Variants in RORA observed in about 807,000 individuals in gnomAD.
RORA encodes nuclear receptor ROR-alpha.
Under a neutral mutation model 69.5 loss-of-function variants are expected in RORA, and 7 were observed. The ratio of observed to expected loss-of-function variants is 0.10; its 90% CI spans 0.06 to 0.19. The LOEUF is 0.19. Among genes scored for constraint, RORA ranks in the 10% least tolerant of loss-of-function variants. The probability of loss-of-function intolerance (pLI) is 1.00; values close to 1 mark genes in which losing one functional copy is unlikely to be tolerated. For synonymous variants in RORA, 261 were observed against 240.8 expected (o/e 1.08, Z -0.78); for missense variants, 457 against 663.0 (o/e 0.69, Z 3.41).
chr15:60,851,942 C>A (rs1295115150), intron 1 of RORA, among the ~76,000 whole-genome samples: 1 of 152,134 alleles, frequency 6.6e-6, no homozygotes, highest in African/African-American at 2.4e-5. Flanking sequence ...GGGCAGGATT[C>A]CCCGGCCATG....
chr15:61,171,629 T>C (rs2079585988), intron 1 of RORA, among the ~76,000 whole-genome samples: 1 of 152,162 alleles, frequency 6.6e-6, no homozygotes, highest in African/African-American at 2.4e-5. Context: ...TGACTAATAA[T>C]TCCCAGCAGA....
At chr15:61,016,799 G>A (rs925960916) in intron 1 of RORA, among the ~76,000 whole-genome samples, 1 of 152,148 alleles carries the variant, frequency 6.6e-6, no homozygotes, top group Non-Finnish European at 1.5e-5. Flanking sequence ...CACAGGGTAT[G>A]AGGCAAGCAG....
intron 1 of RORA, among the ~76,000 whole-genome samples, chr15:61,197,242 G>A (rs2079853202): frequency 6.6e-6 from 1 of 152,190 alleles, no homozygotes; most frequent in Non-Finnish European, 1.5e-5. Context: ...GCACTTAGGG[G>A]GCCTAATGTA....
At chr15:60,541,827 T>C (rs1035744334) in intron 2 of RORA, among the ~76,000 whole-genome samples, 23 of 152,234 alleles carry the variant, frequency 1.5e-4, no homozygotes, top group Admixed American at 5.2e-4. Flanking sequence ...ATGTAAGTCA[T>C]GCACTAGAGG....
Position 60,534,244 on chromosome 15 carries a change from A to G in RORA, c.197-2393T>C, listed in dbSNP as rs183449080. On this transcript the variant is annotated intron_variant, in intron 2 of 10. Transcript: ENST00000335670. This position sits in a 1 kb window ranked among gnomAD's most constrained non-coding sequence, Gnocchi z 5.0. ...TTGGGAGTACTATACTGGCCCCAGCACTTCCACCCTTGGAATGGCTCATGT... is the reference window on the plus strand; with the variant it reads ...TTGGGAGTACTATACTGGCCCCAGCGCTTCCACCCTTGGAATGGCTCATGT... 1.3e-5 allele frequency among the ~76,000 whole-genome samples: 2 copies of G among 152,170 alleles called. No individual in the cohort carries two copies. The highest frequency in any genetic ancestry group is 4.8e-5 in the African/African-American group (2 of 41,436).
intron 1 of RORA, among the ~76,000 whole-genome samples, chr15:60,795,832 TA>T (rs1346948557): frequency 1.3e-5 from 2 of 152,130 alleles, no homozygotes; most frequent in African/African-American, 4.8e-5. Context: ...TGCACCACCA[TA>T]AAACATTACA....
intron 1 of RORA, among the ~76,000 whole-genome samples, chr15:61,088,217 G>A (rs1364548704): frequency 6.6e-6 from 1 of 152,202 alleles, no homozygotes; most frequent in Admixed American, 6.5e-5. Flanking sequence ...ATCAGAGAGG[G>A]CGAAATGACA....
intron 6 of RORA, among the ~76,000 whole-genome samples, chr15:60,503,878 C>G (rs111909997): frequency 0.053 from 8,130 of 152,248 alleles, 749 homozygotes; most frequent in African/African-American, 0.19. Context: ...TCTCAGCTCA[C>G]TGCAACCTCT....
intron 2 of RORA, among the ~76,000 whole-genome samples, chr15:60,624,423 G>T (rs1647990): frequency 0.63 from 86,209 of 137,144 alleles, 27,682 homozygotes; most frequent in African/African-American, 0.78. Context: ...GCTGATATAA[G>T]TTAACCTCAT....
intron 1 of RORA, among the ~76,000 whole-genome samples, chr15:61,067,373 G>A (rs1566972313): frequency 6.6e-6 from 1 of 151,950 alleles, no homozygotes; most frequent in Non-Finnish European, 1.5e-5. Context: ...CAAAGTGCTG[G>A]GATTACAGGT....
At chr15:60,945,694 A>G (rs900213985) in intron 1 of RORA, among the ~76,000 whole-genome samples, 7 of 152,174 alleles carry the variant, frequency 4.6e-5, no homozygotes, top group Non-Finnish European at 8.8e-5. Flanking sequence ...TAATTGGTTC[A>G]CTCAAGGGGC....
At chr15:60,542,485 C>T (rs1290126533) in intron 2 of RORA, among the ~76,000 whole-genome samples, 1 of 148,410 alleles carries the variant, frequency 6.7e-6, no homozygotes, top group Admixed American at 6.7e-5. Context: ...CACAGGCGCA[C>T]CTCACACGGC....
intron 1 of RORA, chr15:60,764,938 A>G (rs2071960948): frequency 6.6e-6 from 1 of 151,838 alleles, no homozygotes; most frequent in Admixed American, 6.6e-5. Context: ...CTGTGCCTGG[A>G]ACCAGAAGCC....
intron 1 of RORA, among the ~76,000 whole-genome samples, chr15:60,838,509 G>A (rs1190996585): frequency 6.6e-6 from 1 of 152,186 alleles, no homozygotes; most frequent in Non-Finnish European, 1.5e-5. Flanking sequence ...CTGTCTCTGT[G>A]CAAGATGAGA....
chr15:60,580,330 G>A (rs1239344810), intron 2 of RORA, among the ~76,000 whole-genome samples: 2 of 152,094 alleles, frequency 1.3e-5, no homozygotes, highest in Admixed American at 6.5e-5. Context: ...CACCCACAAG[G>A]TTAATCTCAA....
chr15:61,032,870 T>C (rs1406842085), intron 1 of RORA, among the ~76,000 whole-genome samples: 1 of 152,204 alleles, frequency 6.6e-6, no homozygotes, highest in Non-Finnish European at 1.5e-5. Flanking sequence ...TTATTACCTA[T>C]GTCTATATAA....
In RORA at chr15:61,136,096, C is replaced by T. The variant is rs547095651; in HGVS notation, c.166+92957G>A. Among the ~76,000 whole-genome samples the T allele has an allele frequency of 5.9e-5, 9 of 152,156 alleles. No homozygotes were observed. In the South Asian group the frequency reaches 8.3e-4, roughly 14 times the overall value. ...CGACCCTGGTTTAAATTTAGTGTGC[C>T]GCTTCCAGATTTATTTTCCACTCTT... On this transcript the variant is annotated intron_variant, in intron 1 of 10. Coordinates refer to ENST00000335670, the MANE Select transcript of RORA (RefSeq NM_134261.3).
intron 2 of RORA, among the ~76,000 whole-genome samples, chr15:60,597,308 C>T (rs1412355087): frequency 6.6e-6 from 1 of 151,114 alleles, no homozygotes; most frequent in Admixed American, 6.6e-5. Flanking sequence ...GTAATCACCA[C>T]AATAAGGAAA....
At chr15:60,855,273 T>C (rs2073367093) in intron 1 of RORA, among the ~76,000 whole-genome samples, 1 of 152,192 alleles carries the variant, frequency 6.6e-6, no homozygotes, top group African/African-American at 2.4e-5. Flanking sequence ...AGACACAGCT[T>C]AGCAGAACAG....
Sources: allele counts gnomAD v4.1 joint callset (sites outside exome capture counted in the v4.1 genomes callset), GRCh38; gene constraint gnomAD v4.1.1; non-coding constraint Gnocchi (gnomAD v3.1); transcripts MANE v1.5; gene names NCBI Gene and HGNC (gene_info 2026-07-23, HGNC 2026-07-21).